The following DCC variants were observed in gnomAD, a reference collection of about 807,000 sequenced individuals.
DCC encodes netrin receptor DCC.
DCC carries 58 observed loss-of-function variants against 172.5 expected under a neutral mutation model. That is an observed-to-expected ratio of 0.34 (90% CI 0.27 to 0.42). The LOEUF (loss-of-function observed/expected upper bound fraction) is 0.42, where lower values mean the gene tolerates loss of function less well. Ranked by LOEUF, DCC falls within the 10% of genes least tolerant of loss-of-function variation. DCC has a pLI of 1.00. For synonymous variants in DCC, 709 were observed against 644.5 expected (o/e 1.10, Z -1.52); for missense variants, 1,740 against 1,791.0 (o/e 0.97, Z 0.51).
intron 2 of DCC, among the ~76,000 whole-genome samples, chr18:52,875,467 C>G (rs754936480): frequency 7.9e-5 from 12 of 152,112 alleles, no homozygotes; most frequent in Non-Finnish European, 1.5e-4. Flanking sequence ...ACATAATGTT[C>G]TGTGTGAGCT....
At chr18:53,110,463 C>T (rs1416608194) in intron 7 of DCC, among the ~76,000 whole-genome samples, 3 of 151,584 alleles carry the variant, frequency 2.0e-5, no homozygotes, top group South Asian at 2.1e-4. Flanking sequence ...CAAAAGAGGG[C>T]TTTTGCCACT....
At chr18:53,049,155 G>C (rs2042299983) in intron 5 of DCC, among the ~76,000 whole-genome samples, 1 of 149,498 alleles carries the variant, frequency 6.7e-6, no homozygotes, top group Admixed American at 6.7e-5. Flanking sequence ...TCTCTTGATA[G>C]TTTCTTTTCA....
intron 21 of DCC, among the ~76,000 whole-genome samples, chr18:53,433,134 C>T (rs1911727713): frequency 6.6e-6 from 1 of 152,086 alleles, no homozygotes; most frequent in Non-Finnish European, 1.5e-5. Context: ...AAGCTTTAAG[C>T]TACTCCTTGT....
At chr18:52,623,103 G>C (rs1350919744) in intron 1 of DCC, among the ~76,000 whole-genome samples, 1 of 152,190 alleles carries the variant, frequency 6.6e-6, no homozygotes, top group Non-Finnish European at 1.5e-5. Flanking sequence ...TTGGCACACA[G>C]TCACATTCAT....
chr18:52,767,420 A>T (rs2037271444), intron 2 of DCC, among the ~76,000 whole-genome samples: 1 of 152,202 alleles, frequency 6.6e-6, no homozygotes, highest in Non-Finnish European at 1.5e-5. Context: ...CAGCTACTCC[A>T]GGCAGCCTTT....
chr18:52,872,080 T>A (rs577923278), intron 2 of DCC, among the ~76,000 whole-genome samples: 2 of 152,274 alleles, frequency 1.3e-5, no homozygotes, highest in South Asian at 4.1e-4. Context: ...TCAACTCATA[T>A]AAGGCAGATT....
intron 1 of DCC, among the ~76,000 whole-genome samples, chr18:52,645,905 G>T (rs1022489863): frequency 6.6e-6 from 1 of 152,160 alleles, no homozygotes; most frequent in African/African-American, 2.4e-5. Context: ...TTTCACAGGG[G>T]TGTTATTCTC....
chr18:53,087,172 G>A (rs914089356), intron 7 of DCC, among the ~76,000 whole-genome samples: 3 of 152,074 alleles, frequency 2.0e-5, no homozygotes, highest in African/African-American at 4.8e-5. Flanking sequence ...ATGAAGAATC[G>A]CCACACTGAC....
At chr18:53,234,356 G>A (rs959852233) in intron 12 of DCC, among the ~76,000 whole-genome samples, 1 of 152,234 alleles carries the variant, frequency 6.6e-6, no homozygotes, top group Non-Finnish European at 1.5e-5. Flanking sequence ...TTGAACCCAG[G>A]AGGCAGAGGT....
chr18:53,336,576 G>A (rs192534694), intron 14 of DCC, among the ~76,000 whole-genome samples: 3 of 152,280 alleles, frequency 2.0e-5, no homozygotes, highest in Admixed American at 2.0e-4. Flanking sequence ...TTAAGGCTGG[G>A]CATGTAGACT....
chr18:53,295,469 T>C (rs754235985), intron 12 of DCC, among the ~76,000 whole-genome samples: 2 of 152,168 alleles, frequency 1.3e-5, no homozygotes, highest in Non-Finnish European at 2.9e-5. Flanking sequence ...AATTTTTTCA[T>C]AGATATTTAT....
At chr18:53,020,801 A>G (rs2041869530) in intron 5 of DCC, among the ~76,000 whole-genome samples, 1 of 152,274 alleles carries the variant, frequency 6.6e-6, no homozygotes, top group East Asian at 1.9e-4. Context: ...AATTAGATAG[A>G]ATTTAATAAA....
intron 2 of DCC, among the ~76,000 whole-genome samples, chr18:52,809,622 G>A (rs1351569121): frequency 6.6e-6 from 1 of 152,216 alleles, no homozygotes; most frequent in Non-Finnish European, 1.5e-5. Flanking sequence ...ATCTGGAGGG[G>A]TGGAAATCAG....
chr18:52,748,363 G>A (rs1395446113), intron 1 of DCC, among the ~76,000 whole-genome samples: 1 of 152,206 alleles, frequency 6.6e-6, no homozygotes, highest in African/African-American at 2.4e-5. Context: ...GTTTGTTCCC[G>A]TAGCCCAGCA....
intron 2 of DCC, among the ~76,000 whole-genome samples, chr18:52,776,230 TTA>T (rs1236548588): frequency 1.3e-5 from 2 of 152,228 alleles, no homozygotes; most frequent in African/African-American, 4.8e-5. Context: ...ACTAGTACTC[TTA>T]GAGGAAATTG....
Position 53,205,242 on chromosome 18 carries a change from C to A in DCC, c.1600C>A (p.Leu534Met), listed in dbSNP as rs2055606449. 6.2e-7 allele frequency: 1 copy of A among 1,613,290 alleles called. No homozygotes were observed. The highest frequency in any genetic ancestry group is 1.7e-5 in the Admixed American group (1 of 59,960). ...GCAAGTTCCAGGGCCAGTAGAAAACCTGCAAGCTGTATCTACCTCACCTAC... is the reference window on the plus strand; with the variant it reads ...GCAAGTTCCAGGGCCAGTAGAAAACATGCAAGCTGTATCTACCTCACCTAC... ...ELQVPGPVEN[L>M]QAVSTSPTSI... The change falls in exon 10 of 29, where the codon CTG becomes ATG. Residue 534 changes from leucine (L) to methionine (M), a missense_variant. Coordinates refer to ENST00000442544, the MANE Select transcript of DCC (RefSeq NM_005215.4).
chr18:53,430,247 T>C (rs575157244), intron 21 of DCC, among the ~76,000 whole-genome samples: 5 of 152,214 alleles, frequency 3.3e-5, no homozygotes, highest in South Asian at 2.1e-4. Flanking sequence ...CATTGAACAT[T>C]TGTTAGATGG....
chr18:53,008,466 G>A (rs759711718), intron 5 of DCC, among the ~76,000 whole-genome samples: 2 of 151,972 alleles, frequency 1.3e-5, no homozygotes, highest in Non-Finnish European at 2.9e-5. Flanking sequence ...TATATTCTCT[G>A]GGGAAAATAA....
At position 52,426,744 on chromosome 18, in the gene DCC, A is replaced by G. The variant is rs1464421196; in HGVS notation, c.91+85866A>G. Among the ~76,000 whole-genome samples, 4 of 151,914 alleles carry G rather than the reference A, an allele frequency of 2.6e-5. No individual in the cohort carries two copies. In the South Asian group the frequency reaches 6.2e-4, roughly 24 times the overall value. On this transcript the variant is annotated intron_variant, in intron 1 of 28. Transcript: ENST00000442544. ...GTGAGGATTTACAAACAGCTTGGTC[A>G]TTGTGCAATTTTATATTACTTTTTC...
Sources: gnomAD v4.1 joint callset for allele counts (sites outside exome capture counted in the v4.1 genomes callset) on GRCh38, gnomAD v4.1.1 for gene constraint, MANE v1.5 for transcripts, NCBI Gene and HGNC (gene_info 2026-07-23, HGNC 2026-07-21) for gene names.